Variants in DTNA observed in about 807,000 individuals in gnomAD.
The protein encoded by DTNA is dystrophin-related protein 3.
In DTNA, 43 loss-of-function variants were observed where a neutral mutation model predicts 100.7. That is an observed-to-expected ratio of 0.43 (90% CI 0.33 to 0.55). The LOEUF (loss-of-function observed/expected upper bound fraction) is 0.55, where lower values mean the gene tolerates loss of function less well. DTNA is among the 20% of genes least tolerant of loss of function. The probability of loss-of-function intolerance (pLI) is 0.04; values close to 1 mark genes in which losing one functional copy is unlikely to be tolerated. For synonymous variants in DTNA, 349 were observed against 347.9 expected (o/e 1.00, Z -0.04); for missense variants, 798 against 953.9 (o/e 0.84, Z 2.15).
intron 8 of DTNA, among the ~76,000 whole-genome samples, chr18:34,819,954 T>C (rs1184304565): frequency 1.3e-5 from 2 of 149,766 alleles, no homozygotes; most frequent in Non-Finnish European, 3.0e-5. Flanking sequence ...TTTATTATTA[T>C]GTTGGTGCAA....
chr18:34,571,568 C>T (rs1341874236), intron 1 of DTNA, among the ~76,000 whole-genome samples: 2 of 152,088 alleles, frequency 1.3e-5, no homozygotes, highest in African/African-American at 4.8e-5. Flanking sequence ...CATAGAGAGA[C>T]TCCATCTTGA....
At chr18:34,662,692 A>G (rs1439448167) in intron 1 of DTNA, among the ~76,000 whole-genome samples, 1 of 152,210 alleles carries the variant, frequency 6.6e-6, no homozygotes, top group African/African-American at 2.4e-5. Flanking sequence ...GATCTGAAAA[A>G]GAAATGATAA....
chr18:34,579,188 C>G (rs1468930894), intron 1 of DTNA, among the ~76,000 whole-genome samples: 1 of 151,968 alleles, frequency 6.6e-6, no homozygotes, highest in African/African-American at 2.4e-5. Context: ...TACTTGCTGT[C>G]CTTTGCTTTC....
At position 34,584,807 on chromosome 18, in the gene DTNA, GAGA is replaced by G. The variant is rs949050066; in HGVS notation, c.-2+91299_-2+91301del. The stretch of plus-strand genomic sequence containing the variant: ...AGAAGAAATCATAAGTGTTTTCAGA[GAGA>G]AGAAGGAGGGAGGGAAGAGGAGAAG... On this transcript the variant is annotated intron_variant, in intron 1 of 19. Transcript: ENST00000283365. Among the ~76,000 whole-genome samples the G allele has an allele frequency of 4.7e-4, 71 of 152,176 alleles. 1 individual carries two copies. The highest frequency in any genetic ancestry group is 1.6e-3 in the African/African-American group (68 of 41,532).
intron 15 of DTNA, among the ~76,000 whole-genome samples, chr18:34,855,436 G>A (rs571905812): frequency 6.6e-6 from 1 of 152,300 alleles, no homozygotes; most frequent in Non-Finnish European, 1.5e-5. Flanking sequence ...ACCCAAAAAG[G>A]AGATGATTAG....
At chr18:34,581,020 C>T (rs189825444) in intron 1 of DTNA, among the ~76,000 whole-genome samples, 8 of 152,000 alleles carry the variant, frequency 5.3e-5, no homozygotes, top group South Asian at 2.1e-4. Context: ...CCAAGGCAGG[C>T]GGATCACGAG....
At chr18:34,738,589 T>C (rs891294352) in intron 1 of DTNA, among the ~76,000 whole-genome samples, 1 of 152,212 alleles carries the variant, frequency 6.6e-6, no homozygotes, top group African/African-American at 2.4e-5. Flanking sequence ...CTCCTTTCTC[T>C]TCACCCTGTT....
intron 16 of DTNA, among the ~76,000 whole-genome samples, chr18:34,859,493 G>T (rs562569547): frequency 6.6e-6 from 1 of 152,294 alleles, no homozygotes; most frequent in South Asian, 2.1e-4. Context: ...CTGATTGCTT[G>T]CAGGAGGCGA....
intron 1 of DTNA, among the ~76,000 whole-genome samples, chr18:34,688,548 G>A (rs1310420793): frequency 3.3e-5 from 5 of 152,220 alleles, no homozygotes; most frequent in Non-Finnish European, 4.4e-5. Flanking sequence ...TGGGTAACGC[G>A]ACCTTTCTCT....
At chr18:34,875,487 A>T in intron 18 of DTNA, 89 bp downstream of exon 18, 1 of 1,578,320 alleles carries the variant, frequency 6.3e-7, no homozygotes, top group Middle Eastern at 1.7e-4. Context: ...TGTCAGAACC[A>T]CATGTGACTA....
intron 1 of DTNA, among the ~76,000 whole-genome samples, chr18:34,589,028 C>G (rs1452081395): frequency 2.7e-5 from 4 of 150,632 alleles, no homozygotes; most frequent in African/African-American, 9.7e-5. Flanking sequence ...ATGTATAATA[C>G]TAAGTATATT....
intron 16 of DTNA, among the ~76,000 whole-genome samples, chr18:34,861,175 C>T (rs1226687499): frequency 1.3e-5 from 2 of 152,000 alleles, no homozygotes; most frequent in Non-Finnish European, 2.9e-5. Context: ...ATTGTTCTAA[C>T]ACTGTTCTAA....
chr18:34,785,929 TG>T (rs1406947043), intron 3 of DTNA, among the ~76,000 whole-genome samples: 1 of 152,170 alleles, frequency 6.6e-6, no homozygotes, highest in Non-Finnish European at 1.5e-5. Context: ...AAGACTAAGA[TG>T]GAAGACTACA....
rs950007599 is a variant in DTNA at position 34,728,252 on chromosome 18, A to G, written c.-2+17807A>G. Among the ~76,000 whole-genome samples the G allele has an allele frequency of 6.6e-5, 10 of 152,328 alleles. 1 individual carries two copies. The East Asian group carries it at 1.2e-3, about 18-fold the overall frequency. Reference sequence around the variant, plus strand: ...GAGTTTTTCTATATGTTAAGAAATCAGGACAAAAATGATTTTGACAAAGAA... The same window carrying G: ...GAGTTTTTCTATATGTTAAGAAATCGGGACAAAAATGATTTTGACAAAGAA... On this transcript the variant is annotated intron_variant, in intron 1 of 22. Transcript: ENST00000444659.
At chr18:34,794,614 G>GT (rs1351801180) in intron 4 of DTNA, among the ~76,000 whole-genome samples, 1 of 152,124 alleles carries the variant, frequency 6.6e-6, no homozygotes, top group African/African-American at 2.4e-5. Context: ...TTTGCAAATT[G>GT]TTTAAGACAG....
chr18:34,583,084 G>T (rs983959032), intron 1 of DTNA, among the ~76,000 whole-genome samples: 1 of 152,096 alleles, frequency 6.6e-6, no homozygotes, highest in African/African-American at 2.4e-5. Flanking sequence ...AGATAGTTTT[G>T]CCTAGGAAGG....
chr18:34,741,334 T>A (rs1031594432), intron 1 of DTNA, among the ~76,000 whole-genome samples: 5 of 116,144 alleles, frequency 4.3e-5, no homozygotes, highest in African/African-American at 1.9e-4. Flanking sequence ...TATGTGGTAT[T>A]GGGGTTACAA....
At chr18:34,703,334 T>C (rs73946146) in intron 1 of DTNA, among the ~76,000 whole-genome samples, 1 of 152,216 alleles carries the variant, frequency 6.6e-6, no homozygotes, top group East Asian at 1.9e-4. Context: ...TTTGGTGCTG[T>C]ATTAGGAGGT....
At chr18:34,670,588 A>T (rs998194376) in intron 1 of DTNA, among the ~76,000 whole-genome samples, 1 of 152,194 alleles carries the variant, frequency 6.6e-6, no homozygotes, top group East Asian at 1.9e-4. Flanking sequence ...GGTGACATAC[A>T]GATGGGGTTT....
Sources: allele counts gnomAD v4.1 joint callset (sites outside exome capture counted in the v4.1 genomes callset), GRCh38; gene constraint gnomAD v4.1.1; transcripts MANE v1.5; gene names NCBI Gene and HGNC (gene_info 2026-07-23, HGNC 2026-07-21).